Variants in WDR64 observed in about 807,000 individuals in gnomAD.
WDR64 encodes the protein WD repeat-containing protein 64.
Under a neutral mutation model 139.3 loss-of-function variants are expected in WDR64, and 112 were observed. The observed-to-expected ratio is 0.80, with a 90% CI of 0.69 to 0.94. WDR64 has a LOEUF of 0.94. WDR64 is among the 40% of genes least tolerant of loss of function. WDR64 has a pLI of 0.00. For missense variants in WDR64, 1,206 were observed against 1,293.1 expected (o/e 0.93, Z 1.03); for synonymous variants, 444 against 437.7 (o/e 1.01, Z -0.18).
chr1:241,781,523 A>G (rs2148316127), intron 22 of WDR64, among the ~76,000 whole-genome samples: 1 of 152,358 alleles, frequency 6.6e-6, no homozygotes, highest in African/African-American at 2.4e-5. Context: ...TCAGTCTAGA[A>G]AAAAAGGTTA....
At chr1:241,662,765 G>C (rs1012706370) in intron 2 of WDR64, among the ~76,000 whole-genome samples, 2 of 152,062 alleles carry the variant, frequency 1.3e-5, no homozygotes, top group South Asian at 4.1e-4. Context: ...TTTGAGCAAG[G>C]ATCATATTTA....
chr1:241,787,962 T>C lies in WDR64; in HGVS notation c.2819T>C (p.Ile940Thr), dbSNP rs140669088. ...ILPCDVTEYP[I>T]EIKEESKFTE... is the part of the protein sequence containing the mutation. The stretch of plus-strand genomic sequence containing the variant: ...CCTTGTGATGTTACTGAATATCCCA[T>C]AGAAATAAAAGAAGAAAGCAAGTTC... The change falls in exon 24 of 28, where the codon ATA becomes ACA. Residue 940 changes from isoleucine (I) to threonine (T), a missense_variant. By Grantham distance (89) the Ile-to-Thr change is moderately conservative. Coordinates refer to ENST00000437684, the MANE Select transcript of WDR64 (RefSeq NM_001367482.1). 46 of 1,609,404 alleles carry C rather than the reference T, an allele frequency of 2.9e-5. No individual in the cohort carries two copies. The African/African-American group carries it at 5.2e-4, about 18-fold the overall frequency.
intron 16 of WDR64, among the ~76,000 whole-genome samples, chr1:241,767,573 G>A (rs952839223): frequency 6.6e-6 from 1 of 152,088 alleles, no homozygotes; most frequent in Non-Finnish European, 1.5e-5. Context: ...TTGGGGGACG[G>A]GAAGAGATAT....
intron 2 of WDR64, among the ~76,000 whole-genome samples, chr1:241,665,505 T>C (rs1193798091): frequency 6.6e-6 from 1 of 152,178 alleles, no homozygotes; most frequent in East Asian, 1.9e-4. Flanking sequence ...CAAATATAAA[T>C]CTCTTTGTGG....
In WDR64 at chr1:241,674,678, C is replaced by A; in HGVS notation, c.414C>A (p.Val138=). The A allele has an allele frequency of 6.5e-7, 1 of 1,550,052 alleles. No homozygotes were observed. Among genetic ancestry groups the A allele is most frequent in the Non-Finnish European group, 8.7e-7 (1 of 1,145,950 alleles). The change falls in exon 4 of 28, where the codon GTC becomes GTA. Residue 138 remains valine (V), a synonymous_variant. Transcript: ENST00000437684. The part of the protein sequence containing the change: ...SRRRDVIKSI[V]KIPHLDLLIT... Reference sequence around the variant, plus strand: ...GACGAGATGTGATTAAGAGCATTGTCAAGATACCTCACCTGGATTTACTAA... The same window carrying A: ...GACGAGATGTGATTAAGAGCATTGTAAAGATACCTCACCTGGATTTACTAA...
At position 241,656,870 on chromosome 1, in the gene WDR64, T is replaced by TTGTGTG. The variant is rs199635140; in HGVS notation, c.146-3624_146-3619dup. Among the ~76,000 whole-genome samples the TTGTGTG allele has an allele frequency of 1.5e-3, 127 of 86,706 alleles. No homozygotes were observed. Among genetic ancestry groups the TTGTGTG allele is most frequent in the Non-Finnish European group, 2.1e-3 (85 of 41,258 alleles). 56.9% of individuals were successfully genotyped at this position (86,706 alleles called of 152,430 possible). A position where few individuals can be genotyped will look rare whatever the true frequency, so the allele number is the denominator to read the frequency against. On this transcript the variant is annotated intron_variant, in intron 1 of 27. Transcript: ENST00000437684. This position sits in a 1 kb window ranked among gnomAD's most constrained non-coding sequence, Gnocchi z 4.3. ...AAATGTCTCAAGTCTTTGCCAAATG[T>TTGTGTG]TGTGTGTGTGTGTGTGTGTGTGTGT...
rs1669273335 is a variant in WDR64, at chr1:241,735,539, T to TCC, written c.1195-2824_1195-2823insCC. On this transcript the variant is annotated intron_variant, in intron 10 of 27. Transcript: ENST00000437684. ...TGTCTCTCTCTCTCTCTCTCTTTTT[T>TCC]TTTTTTTTTTTTTGATACGGAATCT... 8.4e-5 allele frequency among the ~76,000 whole-genome samples: 12 copies of TCC among 142,794 alleles called. 1 individual carries two copies. Among genetic ancestry groups the TCC allele is most frequent in the Admixed American group, 7.7e-4 (11 of 14,370 alleles). 93.7% of individuals were successfully genotyped at this position (142,794 alleles called of 152,430 possible). A position where few individuals can be genotyped will look rare whatever the true frequency, so the allele number is the denominator to read the frequency against.
At chr1:241,728,025 AT>A (rs1371182004) in intron 10 of WDR64, among the ~76,000 whole-genome samples, 1 of 151,960 alleles carries the variant, frequency 6.6e-6, no homozygotes, top group African/African-American at 2.4e-5. Flanking sequence ...GAAAAGGGCA[AT>A]TTAGGCAGAA....
At chr1:241,755,252 T>C (rs12083694) in intron 14 of WDR64, among the ~76,000 whole-genome samples, 3,888 of 152,316 alleles carry the variant, frequency 0.026, 157 homozygotes, top group African/African-American at 0.087. Context: ...GACTTTTTAA[T>C]GATTGCCATC....
At chr1:241,682,143 A>G (rs1175459506) in intron 6 of WDR64, among the ~76,000 whole-genome samples, 1 of 152,084 alleles carries the variant, frequency 6.6e-6, no homozygotes. Flanking sequence ...AGTCCCAGCT[A>G]TTTATCTTTC....
intron 27 of WDR64, 88 bp from the exon 28 acceptor site, chr1:241,801,044 A>G (rs1487487810): frequency 1.2e-5 from 12 of 979,652 alleles, no homozygotes; most frequent in Admixed American, 1.9e-5. Flanking sequence ...TAAAATCTCT[A>G]TGTAAATTAG....
intron 7 of WDR64, among the ~76,000 whole-genome samples, chr1:241,685,891 G>A (rs1167816510): frequency 6.6e-6 from 1 of 152,192 alleles, no homozygotes; most frequent in Non-Finnish European, 1.5e-5. Context: ...AATAGATGCT[G>A]AGACATGAAT....
chr1:241,781,658 C>T (rs1243605661), intron 22 of WDR64, among the ~76,000 whole-genome samples: 4 of 152,328 alleles, frequency 2.6e-5, no homozygotes, highest in East Asian at 3.9e-4. Context: ...TACACACATA[C>T]AGAAAGGACA....
At chr1:241,668,831 C>T (rs1046160848) in intron 2 of WDR64, among the ~76,000 whole-genome samples, 1 of 150,804 alleles carries the variant, frequency 6.6e-6, no homozygotes, top group Admixed American at 6.6e-5. Flanking sequence ...ACACAGGAGG[C>T]GGAGGTTGCA....
At chr1:241,738,683 T>C (rs1310583193) in intron 11 of WDR64, among the ~76,000 whole-genome samples, 194 bp downstream of exon 11, 2 of 152,232 alleles carry the variant, frequency 1.3e-5, no homozygotes, top group African/African-American at 4.8e-5. Flanking sequence ...GATTGAAATG[T>C]GTAACTGCAC....
intron 8 of WDR64, among the ~76,000 whole-genome samples, chr1:241,688,825 C>T (rs1472291568): frequency 6.6e-6 from 1 of 152,064 alleles, no homozygotes; most frequent in African/African-American, 2.4e-5. Context: ...ATAGGGGCCC[C>T]TATGCTTTTG....
intron 6 of WDR64, among the ~76,000 whole-genome samples, chr1:241,679,974 C>A (rs115793371): frequency 6.6e-6 from 1 of 152,048 alleles, no homozygotes; most frequent in Non-Finnish European, 1.5e-5. Context: ...TGTCTAAGTC[C>A]GGCAAAAACA....
intron 2 of WDR64, among the ~76,000 whole-genome samples, chr1:241,665,372 A>G (rs1382434870): frequency 6.6e-6 from 1 of 152,206 alleles, no homozygotes; most frequent in Non-Finnish European, 1.5e-5. Flanking sequence ...CAATTCGAGG[A>G]GACTAACTTC....
chr1:241,689,943 ATCCAAAAACTG>A (rs1667150667), intron 8 of WDR64, among the ~76,000 whole-genome samples: 1 of 152,130 alleles, frequency 6.6e-6, no homozygotes, highest in African/African-American at 2.4e-5. Flanking sequence ...ACCATAGGAT[ATCCAAAAACTG>A]TGGGCAACTG....
Sources: gnomAD v4.1 joint callset for allele counts (sites outside exome capture counted in the v4.1 genomes callset) on GRCh38, gnomAD v4.1.1 for gene constraint, Gnocchi (gnomAD v3.1) non-coding constraint, MANE v1.5 for transcripts, NCBI Gene and HGNC (gene_info 2026-07-23, HGNC 2026-07-21) for gene names.